The following CFAP92 variants were observed in gnomAD, a reference collection of about 807,000 sequenced individuals.
The protein encoded by CFAP92 is cilia and flagella associated protein 92 (putative).
CFAP92 carries 86 observed loss-of-function variants against 106.3 expected under a neutral mutation model. The ratio of observed to expected loss-of-function variants is 0.81; its 90% confidence interval spans 0.68 to 0.97. The LOEUF (loss-of-function observed/expected upper bound fraction) is 0.97. CFAP92 is among the 50% of genes least tolerant of loss of function. CFAP92 has a pLI of 0.00. For missense variants in CFAP92, 1,204 were observed against 1,283.8 expected, an observed-to-expected ratio of 0.94 and a Z score of 0.95; for synonymous variants, 477 against 506.4, an observed-to-expected ratio of 0.94 and a Z score of 0.78.
At chr3:128,912,379 A>AG (rs750765752) in intron 15 of CFAP92, 29 of 750,716 alleles carry the variant, frequency 3.9e-5, no homozygotes, top group Admixed American at 3.0e-4. Context: ...GGTCTGGAGG[A>AG]GGGGTTCACC....
At chr3:128,925,064 T>A (rs186678495) in intron 12 of CFAP92, among the ~76,000 whole-genome samples, 558 of 152,318 alleles carry the variant, frequency 3.7e-3, no homozygotes, top group Non-Finnish European at 6.0e-3. Flanking sequence ...TGGTGTTGGG[T>A]CTGATCACCC....
chr3:129,004,114 A>C, upstream of CFAP92: 2 of 1,455,792 alleles, frequency 1.4e-6, no homozygotes. Context: ...CAAGTTCCCC[A>C]ATTCGGCTCC....
chr3:128,996,921 C>T (rs1944501350), upstream of CFAP92, among the ~76,000 whole-genome samples: 1 of 152,242 alleles, frequency 6.6e-6, no homozygotes, highest in African/African-American at 2.4e-5. Flanking sequence ...CCCGGCCTGG[C>T]TTCCTCAGAT....
intron 9 of CFAP92, among the ~76,000 whole-genome samples, chr3:128,960,535 G>C (rs948930904): frequency 1.3e-5 from 2 of 152,202 alleles, no homozygotes. Flanking sequence ...AGACAAAAGA[G>C]ACACGTTTTA....
intron 1 of CFAP92, chr3:129,001,617 C>G: frequency 7.4e-7 from 1 of 1,351,292 alleles, no homozygotes; most frequent in South Asian, 1.8e-5. Flanking sequence ...GAGCGAGGCG[C>G]GCGGCGCAGC....
At chr3:128,974,093 G>A (rs1286582854) in intron 7 of CFAP92, among the ~76,000 whole-genome samples, 2 of 152,228 alleles carry the variant, frequency 1.3e-5, no homozygotes, top group Admixed American at 6.5e-5. Context: ...GTGTGACTTA[G>A]TCTTTGTGGA....
chr3:128,982,064 C>T (rs1559928226), intron 4 of CFAP92, among the ~76,000 whole-genome samples: 1 of 152,162 alleles, frequency 6.6e-6, no homozygotes, highest in South Asian at 2.1e-4. Context: ...CTGCACTGTC[C>T]CTATCAAGAG....
At chr3:128,931,485 GTATGTATGTATATGTATATATGTATATA>G (rs1318452713) in intron 12 of CFAP92, among the ~76,000 whole-genome samples, 1 of 145,328 alleles carries the variant, frequency 6.9e-6, no homozygotes, top group Non-Finnish European at 1.5e-5. Context: ...GTATATATAT[GTATGTATGTATATGTATATATGTATATA>G]TATGTATGTA....
intron 2 of CFAP92, among the ~76,000 whole-genome samples, chr3:128,990,497 A>AAAAC (rs1209873672): frequency 6.6e-6 from 1 of 152,222 alleles, no homozygotes; most frequent in Non-Finnish European, 1.5e-5. Flanking sequence ...ACTCTGTCTA[A>AAAAC]AAACAAACAA....
At chr3:129,017,588 T>C in the CFAP92 span, among the ~76,000 whole-genome samples, 1 of 152,218 alleles carries the variant, frequency 6.6e-6, no homozygotes, top group African/African-American at 2.4e-5. Flanking sequence ...GGGGTTGCTC[T>C]CTGCATTCCT....
upstream of CFAP92, chr3:129,003,932 G>A (rs1272803884): frequency 1.4e-5 from 19 of 1,388,368 alleles, no homozygotes; most frequent in East Asian, 5.7e-4. Context: ...CCGTGGCCAG[G>A]CCGAGGTGCG....
chr3:128,978,046 T>G lies in CFAP92; in HGVS notation c.807A>C (p.Gln269His). 1.2e-6 allele frequency: 2 copies of G among 1,613,954 alleles called. No individual in the cohort carries two copies. The highest frequency in any genetic ancestry group is 1.7e-6 in the Non-Finnish European group (2 of 1,179,872). The change falls in exon 5 of 16, where the codon CAA becomes CAC. Residue 269 changes from glutamine to histidine, a missense_variant and splice_region_variant. Coordinates refer to ENST00000645291, the MANE Select transcript of CFAP92 (RefSeq NM_001394090.1). ...EKTEKHPKSL[Q>H]GSHQAEPETS... is the part of the protein sequence containing the mutation. ...TCCACAAAGGCCTTCTCCGCTCACC[T>G]TGCAAAGACTTTGGGTGTTTTTCTG...
chr3:128,928,144 T>G (rs768091170), intron 12 of CFAP92, among the ~76,000 whole-genome samples: 6 of 152,038 alleles, frequency 3.9e-5, no homozygotes, highest in Non-Finnish European at 5.9e-5. Context: ...TCCCAGCTAC[T>G]TGGGAGGCTG....
chr3:128,956,523 C>T (rs1483825106), intron 9 of CFAP92, among the ~76,000 whole-genome samples: 1 of 151,924 alleles, frequency 6.6e-6, no homozygotes, highest in African/African-American at 2.4e-5. Context: ...ATGTCATAGT[C>T]AAACTTCTGT....
chr3:129,003,789 C>T (rs1944920952), upstream of CFAP92: 1 of 1,440,406 alleles, frequency 6.9e-7, no homozygotes, highest in East Asian at 3.0e-5. Flanking sequence ...GCCCTGTCCC[C>T]GCAGGTCGGA....
chr3:128,932,842 G>A lies in CFAP92; in HGVS notation c.2609C>T (p.Pro870Leu). 1 of 1,536,266 alleles carries A rather than the reference G, an allele frequency of 6.5e-7. No individual in the cohort carries two copies. Among genetic ancestry groups the A allele is most frequent in the East Asian group, 2.4e-5 (1 of 40,926 alleles). The change falls in exon 12 of 16, where the codon CCT (proline) becomes CTT (leucine). Residue 870 changes from proline (P) to leucine (L), a missense_variant. Pro to Leu is a moderately conservative substitution (Grantham distance 98). Transcript: ENST00000645291. ...LTDEKLFALP[P>L]QPAPNLEDYH... ...GTCCTCAAGATTGGGGGCAGGCTGA[G>A]GTGGTAGGGCAAACAGTTTCTCATC...
intron 8 of CFAP92, chr3:128,970,468 T>A (rs916881144): frequency 2.0e-5 from 3 of 150,794 alleles, no homozygotes; most frequent in African/African-American, 7.3e-5. Context: ...ACAAGACACG[T>A]GATGGCAAAA....
At chr3:128,966,960 A>G (rs1942415604) in intron 8 of CFAP92, 2 of 152,164 alleles carry the variant, frequency 1.3e-5, no homozygotes, top group African/African-American at 4.8e-5. Context: ...AACAAAAAAA[A>G]TCACCTCAAG....
upstream of CFAP92, among the ~76,000 whole-genome samples, chr3:129,005,405 A>G (rs1945027262): frequency 6.6e-6 from 1 of 152,236 alleles, no homozygotes; most frequent in Admixed American, 6.5e-5. Flanking sequence ...AGGAGGCCAG[A>G]GTGGCTGGAG....
Sources: gnomAD v4.1 joint callset for allele counts (sites outside exome capture counted in the v4.1 genomes callset) on GRCh38, gnomAD v4.1.1 for gene constraint, MANE v1.5 for transcripts, NCBI Gene and HGNC (gene_info 2026-07-23, HGNC 2026-07-21) for gene names.